Variants in PRKCZ observed in about 807,000 individuals in gnomAD.
PRKCZ encodes the protein protein kinase C zeta type.
A neutral mutation model predicts 79.5 loss-of-function variants in PRKCZ; 33 were observed. The ratio of observed to expected loss-of-function variants is 0.41; its 90% CI spans 0.31 to 0.55. The LOEUF (loss-of-function observed/expected upper bound fraction) is 0.55, where lower values mean the gene tolerates loss of function less well. Among genes scored for constraint, PRKCZ ranks in the 20% least tolerant of loss-of-function variants. The pLI is 0.19. For missense variants in PRKCZ, 578 were observed against 813.5 expected (o/e 0.71, Z 3.52); for synonymous variants, 342 against 320.9 (o/e 1.07, Z -0.70).
At chr1:2,169,403 A>G in intron 10 of PRKCZ, 115 bp from the exon 11 acceptor site, 2 of 880,984 alleles carry the variant, frequency 2.3e-6, no homozygotes, top group Non-Finnish European at 1.8e-6. Flanking sequence ...GCTCTTTGCA[A>G]GACTGAACCT....
chr1:2,059,664 G>A (rs879507246), intron 4 of PRKCZ, 73 bp downstream of exon 4: 10 of 1,588,714 alleles, frequency 6.3e-6, no homozygotes, highest in Non-Finnish European at 6.0e-6. Flanking sequence ...TGCCACGGAG[G>A]TGGCAGTGGT....
At chr1:2,057,054 A>G (rs1355435418) in intron 3 of PRKCZ, among the ~76,000 whole-genome samples, 1 of 152,130 alleles carries the variant, frequency 6.6e-6, no homozygotes, top group Non-Finnish European at 1.5e-5. Flanking sequence ...ATTAACCCAA[A>G]TGAAAACTGC....
chr1:2,159,751 C>T (rs1571905297), intron 10 of PRKCZ, among the ~76,000 whole-genome samples: 1 of 152,192 alleles, frequency 6.6e-6, no homozygotes, highest in African/African-American at 2.4e-5. Context: ...ACACAATAAG[C>T]ACCTGCTTTA....
chr1:2,069,825 G>T (rs1168338455), intron 4 of PRKCZ, among the ~76,000 whole-genome samples: 1 of 152,212 alleles, frequency 6.6e-6, no homozygotes, highest in African/African-American at 2.4e-5. Flanking sequence ...TATTTCTGCT[G>T]CTGCTGCAAT....
intron 5 of PRKCZ, 196 bp from the exon 6 acceptor site, chr1:2,144,014 C>T: frequency 1.4e-6 from 1 of 695,914 alleles, no homozygotes. Context: ...ACTGGTTCCC[C>T]CAACCTTGGG....
chr1:2,075,996 C>T lies in PRKCZ; in HGVS notation c.334+16405C>T, dbSNP rs1197371512. ...GACCATCCATGGGGTCAGGCACCAA[C>T]CTCTGCTGAGGATCCCAAAATGTGG... is the stretch of plus-strand genomic sequence containing the variant. On this transcript the variant is annotated intron_variant, in intron 4 of 17. Transcript: ENST00000378567. This position sits in a 1 kb window ranked among gnomAD's most constrained non-coding sequence, Gnocchi z 4.8. Among the ~76,000 whole-genome samples, 2 of 152,234 alleles carry T rather than the reference C, an allele frequency of 1.3e-5. No individual in the cohort carries two copies. The highest frequency in any genetic ancestry group is 2.9e-5 in the Non-Finnish European group (2 of 68,036).
At chr1:2,101,348 C>T (rs2102588809) in intron 4 of PRKCZ, among the ~76,000 whole-genome samples, 1 of 152,306 alleles carries the variant, frequency 6.6e-6, no homozygotes, top group African/African-American at 2.4e-5. Flanking sequence ...GGGCATCTCC[C>T]CTCCTCGCCC....
intron 4 of PRKCZ, among the ~76,000 whole-genome samples, chr1:2,091,865 G>C (rs992199003): frequency 2.0e-5 from 3 of 152,184 alleles, no homozygotes; most frequent in Non-Finnish European, 4.4e-5. Flanking sequence ...GTCCTGTGTT[G>C]GGGCCACGGA....
chr1:2,175,956 C>T (rs1187587028), intron 16 of PRKCZ, among the ~76,000 whole-genome samples: 1 of 152,130 alleles, frequency 6.6e-6, no homozygotes, highest in Non-Finnish European at 1.5e-5. Context: ...AGGGCGTTTG[C>T]TTTGGTTTCA....
intron 4 of PRKCZ, among the ~76,000 whole-genome samples, chr1:2,104,062 G>A (rs1209601397): frequency 6.6e-6 from 1 of 152,176 alleles, no homozygotes; most frequent in Non-Finnish European, 1.5e-5. Flanking sequence ...GTTTTCTGGG[G>A]AGAGCAGGGG....
Position 2,172,022 on chromosome 1 carries a change from G to T in PRKCZ, c.1062-33G>T. ...GCTGTTGGCGCAGCCTCTGGCACAG[G>T]CACTGCCCCCATGACGGCATCCCCA... On this transcript the variant is annotated intron_variant, in intron 11 of 17. Coordinates refer to ENST00000378567, the MANE Select transcript of PRKCZ (RefSeq NM_002744.6). The surrounding 1 kb of genome is among the most constrained non-coding windows in gnomAD (Gnocchi z 7.8). 6.4e-7 allele frequency: 1 copy of T among 1,571,644 alleles called. No homozygotes were observed. The highest frequency in any genetic ancestry group is 8.6e-7 in the Non-Finnish European group (1 of 1,158,898).
Position 2,121,662 on chromosome 1 carries a change from AGGG to A in PRKCZ, c.335-13599_335-13597del, listed in dbSNP as rs1557612779. ...GGTAGTTAGGGTCACGGTGGTGGTT[AGGG>A]TCGTGGTGGTGGTTAGGGTCACGGT... On this transcript the variant is annotated intron_variant, in intron 4 of 17. Coordinates refer to ENST00000378567, the MANE Select transcript of PRKCZ (RefSeq NM_002744.6). Among the ~76,000 whole-genome samples the A allele has an allele frequency of 1.1e-3, 153 of 136,228 alleles. 27 individuals carry two copies. The highest frequency in any genetic ancestry group is 3.8e-3 in the African/African-American group (137 of 36,072). 89.4% of individuals were successfully genotyped at this position (136,228 alleles called of 152,430 possible). A position where few individuals can be genotyped will look rare whatever the true frequency, so the allele number is the denominator to read the frequency against.
chr1:2,107,183 G>A (rs1342389986), intron 4 of PRKCZ, among the ~76,000 whole-genome samples: 1 of 152,234 alleles, frequency 6.6e-6, no homozygotes, highest in East Asian at 1.9e-4. Flanking sequence ...TCTCTGTCTC[G>A]TGATTCGTGT....
At position 2,075,889 on chromosome 1, in the gene PRKCZ, G is replaced by T. The variant is rs967787691; in HGVS notation, c.334+16298G>T. Among the ~76,000 whole-genome samples, 4 of 152,212 alleles carry T rather than the reference G, an allele frequency of 2.6e-5. No individual in the cohort carries two copies. Among genetic ancestry groups the T allele is most frequent in the African/African-American group, 9.6e-5 (4 of 41,452 alleles). On this transcript the variant is annotated intron_variant, in intron 4 of 17. Transcript: ENST00000378567. The surrounding 1 kb of genome is among the most constrained non-coding windows in gnomAD (Gnocchi z 4.8). ...CTGCTCTCGTGTGTGTAGCAGCGGG[G>T]GCTGCGTCTCATCTGCCACACGTTT... is the stretch of plus-strand genomic sequence containing the variant.
chr1:2,157,743 G>A (rs1681368904), intron 10 of PRKCZ, among the ~76,000 whole-genome samples: 1 of 147,372 alleles, frequency 6.8e-6, no homozygotes, highest in Admixed American at 6.8e-5. Context: ...AATAAAGATA[G>A]GGTCTTGCTC....
chr1:2,147,554 C>G (rs1177095026), intron 7 of PRKCZ, among the ~76,000 whole-genome samples: 1 of 152,084 alleles, frequency 6.6e-6, no homozygotes, highest in Non-Finnish European at 1.5e-5. Flanking sequence ...ACCCATCTGT[C>G]TGTTGTCCAC....
chr1:2,066,576 A>G (rs1045343461), intron 4 of PRKCZ, among the ~76,000 whole-genome samples: 4 of 152,196 alleles, frequency 2.6e-5, no homozygotes, highest in African/African-American at 9.6e-5. Context: ...TCCTGACCTC[A>G]GATGATCCAC....
chr1:2,144,712 G>A (rs557061999), intron 6 of PRKCZ: 4 of 902,946 alleles, frequency 4.4e-6, no homozygotes, highest in African/African-American at 1.8e-5. Flanking sequence ...GCACGCTGAG[G>A]CTCCGAACAT....
At chr1:2,077,835 C>T (rs1170140701) in intron 4 of PRKCZ, among the ~76,000 whole-genome samples, 3 of 152,020 alleles carry the variant, frequency 2.0e-5, no homozygotes, top group African/African-American at 4.8e-5. Context: ...CTCATCTCTT[C>T]CTTCCTTGTT....
Sources: gnomAD v4.1 joint callset for allele counts (sites outside exome capture counted in the v4.1 genomes callset) on GRCh38, gnomAD v4.1.1 for gene constraint, Gnocchi (gnomAD v3.1) non-coding constraint, MANE v1.5 for transcripts, NCBI Gene and HGNC (gene_info 2026-07-23, HGNC 2026-07-21) for gene names.